SERPINB12: variants seen among roughly 807,000 people sequenced by gnomAD.
SERPINB12 encodes serpin B12.
Under a neutral mutation model 41.1 loss-of-function variants are expected in SERPINB12, and 57 were observed. The observed-to-expected ratio is 1.39, with a 90% CI of 1.12 to 1.73. The LOEUF (loss-of-function observed/expected upper bound fraction) is 1.73. Ranked by LOEUF, SERPINB12 falls within the 40% of genes most tolerant of loss-of-function variation. The pLI is 0.00. For synonymous variants in SERPINB12, 180 were observed against 181.3 expected, an observed-to-expected ratio of 0.99 and a Z score of 0.06; for missense variants, 536 against 501.9, an observed-to-expected ratio of 1.07 and a Z score of -0.65.
At chr18:63,525,778 G>T in the SERPINB12 span, among the ~76,000 whole-genome samples, 1 of 152,020 alleles carries the variant, frequency 6.6e-6, no homozygotes, top group Non-Finnish European at 1.5e-5. Flanking sequence ...TGATTTCTTT[G>T]TTAAGTGATT....
chr18:63,539,402 A>G (rs1910231880), upstream of SERPINB12, among the ~76,000 whole-genome samples: 1 of 152,156 alleles, frequency 6.6e-6, no homozygotes, highest in African/African-American at 2.4e-5. Context: ...AGCAAAGCTG[A>G]ATGAGCACCA....
chr18:63,547,999 A>G (rs753363019), intron 1 of SERPINB12, among the ~76,000 whole-genome samples: 23 of 152,202 alleles, frequency 1.5e-4, no homozygotes, highest in Non-Finnish European at 8.8e-5. Flanking sequence ...ACAAGGATGA[A>G]TTAAAAACAC....
intron 1 of SERPINB12, among the ~76,000 whole-genome samples, chr18:63,544,649 C>T (rs560703769): frequency 1.2e-4 from 18 of 152,166 alleles, no homozygotes; most frequent in African/African-American, 4.3e-4. Context: ...TTTTTCAATC[C>T]TGGAGATGTC....
the SERPINB12 span, among the ~76,000 whole-genome samples, chr18:63,534,823 G>A: frequency 6.6e-6 from 1 of 152,092 alleles, no homozygotes; most frequent in African/African-American, 2.4e-5. Context: ...GGAGGAAGCT[G>A]TTTTCCTGTG....
At chr18:63,535,083 T>A in the SERPINB12 span, among the ~76,000 whole-genome samples, 2 of 152,186 alleles carry the variant, frequency 1.3e-5, no homozygotes, top group Non-Finnish European at 2.9e-5. Context: ...TCAGAACAGT[T>A]TTCCAGGTTA....
chr18:63,559,028 T>TTC (rs765832690), intron 3 of SERPINB12, among the ~76,000 whole-genome samples: 1 of 69,348 alleles, frequency 1.4e-5, no homozygotes, highest in African/African-American at 4.1e-5. Flanking sequence ...CTTTCTTTCT[T>TTC]TCTTTCTTTC....
At chr18:63,563,644 C>A (rs1337241042) in intron 5 of SERPINB12, among the ~76,000 whole-genome samples, 2 of 152,174 alleles carry the variant, frequency 1.3e-5, no homozygotes, top group Admixed American at 1.3e-4. Context: ...TGCCTGTAAT[C>A]CCAGCACTTT....
Position 63,567,016 on chromosome 18 carries a change from G to C in SERPINB12, c.*5G>C. The C allele has an allele frequency of 6.4e-7, 1 of 1,565,230 alleles. No individual in the cohort carries two copies. Among genetic ancestry groups the C allele is most frequent in the East Asian group, 2.2e-5 (1 of 44,592 alleles). On this transcript the variant is annotated 3_prime_UTR_variant, in exon 8 of 8. Transcript: ENST00000382768. The stretch of plus-strand genomic sequence containing the variant: ...GGCAGGGTCTGCTCTCCTTAAAAGG[G>C]GAGCAGTGTCTAGTACTTTGGAGCT...
rs369955095 is a variant in SERPINB12, at chr18:63,558,339, C to T, written c.169-13C>T. 2.2e-5 allele frequency: 36 copies of T among 1,606,960 alleles called. No individual in the cohort carries two copies. The highest frequency in any genetic ancestry group is 1.3e-4 in the African/African-American group (10 of 74,468). ...TCATATTATCTGAAAGACCCCATCC[C>T]GTTATCATGCAGGTACTACACTTCA... On this transcript the variant is annotated splice_polypyrimidine_tract_variant and intron_variant, in intron 2 of 7. Coordinates refer to ENST00000382768, the MANE Select transcript of SERPINB12 (RefSeq NM_001307928.2).
intron 1 of SERPINB12, among the ~76,000 whole-genome samples, chr18:63,555,592 G>A (rs1350841673): frequency 6.6e-6 from 1 of 152,184 alleles, no homozygotes; most frequent in Admixed American, 6.5e-5. Flanking sequence ...ATTAAGATGA[G>A]GTTGTACTGG....
At chr18:63,551,175 A>G (rs1910518221) in intron 1 of SERPINB12, among the ~76,000 whole-genome samples, 1 of 151,908 alleles carries the variant, frequency 6.6e-6, no homozygotes, top group South Asian at 2.1e-4. Context: ...AGGCTGAGAC[A>G]GGAGAATGGC....
the SERPINB12 span, among the ~76,000 whole-genome samples, chr18:63,528,454 G>C: frequency 1.1e-4 from 17 of 151,984 alleles, no homozygotes; most frequent in Admixed American, 1.0e-3. Context: ...GGCCATGTCA[G>C]GGGTTTGGAC....
Position 63,566,758 on chromosome 18 carries a change from T to A in SERPINB12, c.1025T>A (p.Ile342Asn). 6 of 1,614,148 alleles carry A rather than the reference T, an allele frequency of 3.7e-6. No individual in the cohort carries two copies. The South Asian group carries it at 6.6e-5, about 18-fold the overall frequency. ...TTACAAGACATGGGCATTACGGATA[T>A]CTTTGATGAAACGAGGGCTGATCTT... ...SILQDMGITD[I>N]FDETRADLTG... Residue 342 changes from isoleucine (I) to asparagine (N), a missense_variant, in exon 8 of 8, where the codon ATC becomes AAC. Ile to Asn is a moderately radical substitution (Grantham distance 149). Transcript: ENST00000382768.
chr18:63,526,080 TAATTTA>T, the SERPINB12 span, among the ~76,000 whole-genome samples: 1 of 152,218 alleles, frequency 6.6e-6, no homozygotes, highest in Non-Finnish European at 1.5e-5. Context: ...ATATTATCAA[TAATTTA>T]AAAATCATGG....
chr18:63,540,348 C>T (rs1423118034), upstream of SERPINB12, among the ~76,000 whole-genome samples: 1 of 152,148 alleles, frequency 6.6e-6, no homozygotes, highest in Non-Finnish European at 1.5e-5. Context: ...ACGATGCATT[C>T]CAGCTTAAAA....
At chr18:63,554,767 G>A (rs185293227) in intron 1 of SERPINB12, among the ~76,000 whole-genome samples, 2 of 152,186 alleles carry the variant, frequency 1.3e-5, no homozygotes, top group Non-Finnish European at 2.9e-5. Context: ...TGAACCTGGT[G>A]ATATGGTTTG....
At chr18:63,561,041 G>A in intron 4 of SERPINB12, 44 bp from the exon 5 acceptor site, 2 of 1,289,630 alleles carry the variant, frequency 1.6e-6, no homozygotes, top group South Asian at 2.4e-5. Context: ...GAGCATCACT[G>A]CCTGACTTTA....
At position 63,558,532 on chromosome 18, in the gene SERPINB12, T is replaced by A. The variant is rs561253694; in HGVS notation, c.303+46T>A. 7.0e-6 allele frequency: 11 copies of A among 1,561,736 alleles called. No homozygotes were observed. The African/African-American group carries it at 8.2e-5, about 12-fold the overall frequency. On this transcript the variant is annotated intron_variant, in intron 3 of 7. Coordinates refer to ENST00000382768, the MANE Select transcript of SERPINB12 (RefSeq NM_001307928.2). Reference sequence around the variant, plus strand: ...ACTCTTGCCTTTCTTTTTTACAAACTGCTTATTCTGGCTGTAGGATATTTG... The same window carrying A: ...ACTCTTGCCTTTCTTTTTTACAAACAGCTTATTCTGGCTGTAGGATATTTG...
chr18:63,560,844 C>T (rs140911805), intron 4 of SERPINB12, among the ~76,000 whole-genome samples: 126 of 152,198 alleles, frequency 8.3e-4, no homozygotes, highest in Middle Eastern at 6.8e-3. Flanking sequence ...AAGGCTTGTC[C>T]CGTTGTAACT....
Sources: gnomAD v4.1 joint callset for allele counts (sites outside exome capture counted in the v4.1 genomes callset) on GRCh38, gnomAD v4.1.1 for gene constraint, MANE v1.5 for transcripts, NCBI Gene and HGNC (gene_info 2026-07-23, HGNC 2026-07-21) for gene names.